TRDMT1: variants seen among roughly 807,000 people sequenced by gnomAD.
TRDMT1 encodes tRNA aspartic acid methyltransferase 1.
Under a neutral mutation model 51.2 loss-of-function variants are expected in TRDMT1, and 49 were observed. That is an observed-to-expected ratio of 0.96 (90% CI 0.76 to 1.21). The LOEUF is 1.21. TRDMT1 is among the 50% of genes most tolerant of loss of function. The pLI, the probability that TRDMT1 is intolerant of heterozygous loss-of-function variation, is 0.00. For synonymous variants in TRDMT1, 187 were observed against 164.6 expected, an observed-to-expected ratio of 1.14 and a Z score of -1.04; for missense variants, 534 against 462.3, an observed-to-expected ratio of 1.16 and a Z score of -1.42.
chr10:17,183,737 T>C (rs1461200294), intron 1 of TRDMT1, among the ~76,000 whole-genome samples: 1 of 149,862 alleles, frequency 6.7e-6, no homozygotes, highest in African/African-American at 2.4e-5. Context: ...ATTTTTATAA[T>C]TGGCAAAAAG....
chr10:17,169,210 A>G (rs566922447), intron 2 of TRDMT1: 2 of 638,298 alleles, frequency 3.1e-6, no homozygotes, highest in East Asian at 1.1e-4. Flanking sequence ...TCACACCTCA[A>G]GTGTAACACT....
At chr10:17,168,949 A>G in intron 2 of TRDMT1, 32 bp from the exon 3 acceptor site, 1 of 1,414,002 alleles carries the variant, frequency 7.1e-7, no homozygotes, top group Non-Finnish European at 9.8e-7. Flanking sequence ...GGAAAAAAGA[A>G]CATAAAAACA....
chr10:17,178,887 G>A (rs1402601711), intron 1 of TRDMT1, among the ~76,000 whole-genome samples: 2 of 152,062 alleles, frequency 1.3e-5, no homozygotes, highest in African/African-American at 4.8e-5. Context: ...AAATATAAGA[G>A]ACCACCAGCC....
rs886750803 is a variant in TRDMT1 at position 17,153,581 on chromosome 10, T to G, written c.1001A>C (p.Lys334Thr). The change falls in exon 10 of 11, where the codon AAG becomes ACG. Residue 334 changes from lysine to threonine, a missense_variant. By Grantham distance (78) the Lys-to-Thr change is moderately conservative. Transcript: ENST00000377799. ...ATATCGCAGTTTAAGTATTAACAGC[T>G]TTGTTATCTGTTCTTCTTGTGACAA... The part of the protein sequence containing the change: ...TNLSQEEQIT[K>T]LLILKLRYFT... 2 of 1,611,292 alleles carry G rather than the reference T, an allele frequency of 1.2e-6. No individual in the cohort carries two copies. The highest frequency in any genetic ancestry group is 2.7e-5 in the African/African-American group (2 of 74,784).
At chr10:17,150,423 T>A (rs928220767) in intron 10 of TRDMT1, 2 of 985,390 alleles carry the variant, frequency 2.0e-6, no homozygotes, top group Non-Finnish European at 2.4e-6. Context: ...ATTGCCTTTC[T>A]CATATTGGAC....
intron 1 of TRDMT1, among the ~76,000 whole-genome samples, chr10:17,199,217 G>C (rs759781456): frequency 6.6e-6 from 1 of 152,144 alleles, no homozygotes; most frequent in Non-Finnish European, 1.5e-5. Flanking sequence ...AAAAATATTT[G>C]CATCAATATG....
At chr10:17,192,842 A>G (rs939486670) in intron 1 of TRDMT1, among the ~76,000 whole-genome samples, 3 of 152,220 alleles carry the variant, frequency 2.0e-5, no homozygotes, top group African/African-American at 7.2e-5. Context: ...AGCTTTCAAT[A>G]AAATCCAACA....
At chr10:17,197,151 T>C (rs754039919) in intron 1 of TRDMT1, among the ~76,000 whole-genome samples, 33 of 151,918 alleles carry the variant, frequency 2.2e-4, no homozygotes, top group South Asian at 2.1e-4. Context: ...TTAGCTAGAG[T>C]GGATTCTGTG....
chr10:17,174,094 T>A (rs758165592), intron 2 of TRDMT1, among the ~76,000 whole-genome samples: 9 of 152,210 alleles, frequency 5.9e-5, no homozygotes, highest in Non-Finnish European at 1.2e-4. Flanking sequence ...TAACTCAACA[T>A]AAATCAGTGT....
In TRDMT1 at chr10:17,158,561, C is replaced by T. The variant is rs545947047; in HGVS notation, c.543+585G>A. 4.8e-4 allele frequency among the ~76,000 whole-genome samples: 73 copies of T among 152,144 alleles called. 1 individual carries two copies. The South Asian group carries it at 0.012, about 25-fold the overall frequency. ...TACCTATGAAAGTTAGGGAGAGTTT[C>T]GCCGAAATGCTGAAACTCAGTTATC... On this transcript the variant is annotated intron_variant, in intron 7 of 10. Transcript: ENST00000377799.
chr10:17,182,905 A>G (rs1209811851), intron 1 of TRDMT1, among the ~76,000 whole-genome samples: 2 of 152,232 alleles, frequency 1.3e-5, no homozygotes, highest in African/African-American at 2.4e-5. Context: ...CAATAATGAC[A>G]GAAATCCACA....
rs74117720 is a variant in TRDMT1, at chr10:17,138,914, G to A, written c.*10126C>T. On this transcript the variant is annotated 3_prime_UTR_variant, in exon 11 of 11. Coordinates refer to ENST00000377799, the MANE Select transcript of TRDMT1 (RefSeq NM_004412.7). ...ATGTATACACACGTGTGCACACACAGCTTCCTAATTGTAACTCAAGCAAAT... is the reference window on the plus strand; with the variant it reads ...ATGTATACACACGTGTGCACACACAACTTCCTAATTGTAACTCAAGCAAAT... Among the ~76,000 whole-genome samples the A allele has an allele frequency of 0.02, 3,089 of 152,238 alleles. 101 individuals are homozygous for A. Among genetic ancestry groups the A allele is most frequent in the African/African-American group, 0.068 (2,842 of 41,520 alleles).
In TRDMT1 at chr10:17,145,352, A is replaced by C. The variant is rs1004115205; in HGVS notation, c.*3688T>G. On this transcript the variant is annotated 3_prime_UTR_variant, in exon 11 of 11. Coordinates refer to ENST00000377799, the MANE Select transcript of TRDMT1 (RefSeq NM_004412.7). ...CTTGGTGGGTGTGACAGAGGTCCAG[A>C]AAAGTGCTTGCTAAGAAGCTGATAT... 2.7e-5 allele frequency: 27 copies of C among 985,368 alleles called. No homozygotes were observed. The highest frequency in any genetic ancestry group is 6.1e-5 in the Admixed American group (1 of 16,266). The allele number at this position is 985,368 out of a possible 1,614,324, so 61.0% of individuals were successfully genotyped here.
chr10:17,156,513 G>T (rs1037135322), intron 8 of TRDMT1, among the ~76,000 whole-genome samples: 2 of 152,032 alleles, frequency 1.3e-5, no homozygotes, highest in African/African-American at 2.4e-5. Context: ...GGGATTACAG[G>T]CATGAGCCAG....
intron 2 of TRDMT1, chr10:17,169,190 C>T (rs370433252): frequency 1.8e-6 from 1 of 565,210 alleles, no homozygotes. Context: ...CTAAGCACAT[C>T]TGGCCTGTAT....
intron 1 of TRDMT1, among the ~76,000 whole-genome samples, chr10:17,185,277 C>T (rs1478578537): frequency 6.6e-6 from 1 of 152,180 alleles, no homozygotes. Flanking sequence ...TGCGGCACTT[C>T]TCAAAAGAAG....
At chr10:17,162,660 T>C (rs1023183194) in intron 3 of TRDMT1, among the ~76,000 whole-genome samples, 9 of 152,078 alleles carry the variant, frequency 5.9e-5, no homozygotes, top group Admixed American at 6.6e-5. Flanking sequence ...CTGGCCAACA[T>C]GGCAAAACTC....
chr10:17,173,056 A>T (rs1261717470), intron 2 of TRDMT1, among the ~76,000 whole-genome samples: 1 of 152,214 alleles, frequency 6.6e-6, no homozygotes, highest in African/African-American at 2.4e-5. Flanking sequence ...ATTGTCTTTA[A>T]AAAGACATTA....
rs142942064 is a variant in TRDMT1, at chr10:17,196,600, A to G, written c.64+4971T>C. Among the ~76,000 whole-genome samples the G allele has an allele frequency of 2.2e-3, 328 of 152,366 alleles. 1 individual carries two copies. Among genetic ancestry groups the G allele is most frequent in the African/African-American group, 7.1e-3 (297 of 41,596 alleles). On this transcript the variant is annotated intron_variant, in intron 1 of 10. Coordinates refer to ENST00000377799, the MANE Select transcript of TRDMT1 (RefSeq NM_004412.7). ...TGCAGACATAAATATCAAAGTACAC[A>G]TAAGTAGTTTCTGTATAGGTCAAAT...
Sources: gnomAD v4.1 joint callset for allele counts (sites outside exome capture counted in the v4.1 genomes callset) on GRCh38, gnomAD v4.1.1 for gene constraint, MANE v1.5 for transcripts, NCBI Gene and HGNC (gene_info 2026-07-23, HGNC 2026-07-21) for gene names.